Variants in MPHOSPH9 observed in about 807,000 individuals in gnomAD.
MPHOSPH9 encodes M-phase phosphoprotein 9.
Under a neutral mutation model 145.5 loss-of-function variants are expected in MPHOSPH9, and 88 were observed. The ratio of observed to expected loss-of-function variants is 0.60; its 90% CI spans 0.51 to 0.72. The LOEUF is 0.72. Ranked by LOEUF, MPHOSPH9 falls within the 30% of genes least tolerant of loss-of-function variation. The pLI is 0.00. For missense variants in MPHOSPH9, 1,238 were observed against 1,386.6 expected, an observed-to-expected ratio of 0.89 and a Z score of 1.70; for synonymous variants, 435 against 486.2, an observed-to-expected ratio of 0.89 and a Z score of 1.39.
chr12:123,214,317 T>C (rs950449631), intron 7 of MPHOSPH9, among the ~76,000 whole-genome samples: 1 of 152,126 alleles, frequency 6.6e-6, no homozygotes, highest in Non-Finnish European at 1.5e-5. Flanking sequence ...GGCTGGTGGA[T>C]TGCTTGCACC....
At chr12:123,179,009 T>C (rs2045003580) in intron 15 of MPHOSPH9, among the ~76,000 whole-genome samples, 1 of 152,230 alleles carries the variant, frequency 6.6e-6, no homozygotes, top group Admixed American at 6.5e-5. Context: ...ACTAGGCTGC[T>C]TCTTAAAGTT....
rs35259138 is a variant in MPHOSPH9, at chr12:123,198,809, C to CAA, written c.1938-477_1938-476dup. Among the ~76,000 whole-genome samples the CAA allele has an allele frequency of 9.5e-3, 459 of 48,410 alleles. 7 individuals are homozygous for CAA. Among genetic ancestry groups the CAA allele is most frequent in the African/African-American group, 0.024 (179 of 7,546 alleles). 31.8% of individuals were successfully genotyped at this position (48,410 alleles called of 152,430 possible). A position where few individuals can be genotyped will look rare whatever the true frequency, so the allele number is the denominator to read the frequency against. On this transcript the variant is annotated intron_variant, in intron 11 of 23. Transcript: ENST00000606320. ...TGAGTGACAGAGTGAGAACCTGTCTCAAAAAAAAAAAAAAAAAAAAAAAAA... is the reference window on the plus strand; with the variant it reads ...TGAGTGACAGAGTGAGAACCTGTCTCAAAAAAAAAAAAAAAAAAAAAAAAAAA...
chr12:123,221,538 C>T lies in MPHOSPH9; in HGVS notation c.706G>A (p.Ala236Thr). The T allele has an allele frequency of 6.2e-7, 1 of 1,614,192 alleles. No individual in the cohort carries two copies. The highest frequency in any genetic ancestry group is 8.5e-7 in the Non-Finnish European group (1 of 1,180,042). Residue 236 changes from alanine to threonine, a missense_variant, in exon 5 of 24, where the codon GCT becomes ACT. Ala to Thr is a moderately conservative substitution (Grantham distance 58). Around this residue, in one of 3 missense-constraint regions of MPHOSPH9, gnomAD observed 837 missense variants for 897.5 expected, o/e 0.93. Transcript: ENST00000606320. Reference sequence around the variant, plus strand: ...TTCACACCATCTACAAGTGACTCAGCCGGCACCGCAGGTGCTACATACTGT... The same window carrying T: ...TTCACACCATCTACAAGTGACTCAGTCGGCACCGCAGGTGCTACATACTGT... ...KGQYVAPAVPAESLVDGVKNE... is the reference protein window; with the variant it reads ...KGQYVAPAVPTESLVDGVKNE...
chr12:123,187,484 G>A (rs1377228145), intron 13 of MPHOSPH9, among the ~76,000 whole-genome samples: 5 of 152,030 alleles, frequency 3.3e-5, no homozygotes, highest in South Asian at 2.1e-4. Flanking sequence ...AATTCCAATC[G>A]AAAGCAGAGT....
chr12:123,177,933 T>A (rs775696858), intron 15 of MPHOSPH9, among the ~76,000 whole-genome samples: 4 of 152,156 alleles, frequency 2.6e-5, no homozygotes, highest in Non-Finnish European at 5.9e-5. Context: ...AGGTATTTCA[T>A]CTGATTTGTG....
At chr12:123,225,457 A>AG (rs1565976604) in intron 3 of MPHOSPH9, among the ~76,000 whole-genome samples, 7 of 146,106 alleles carry the variant, frequency 4.8e-5, no homozygotes, top group South Asian at 2.2e-4. Context: ...AAAAAAAAAA[A>AG]AAAGAAAGAA....
At chr12:123,192,628 C>CAAA (rs55831766) in intron 13 of MPHOSPH9, among the ~76,000 whole-genome samples, 4 of 49,382 alleles carry the variant, frequency 8.1e-5, no homozygotes, top group Admixed American at 3.7e-4. Flanking sequence ...GACACCGTCT[C>CAAA]AAAAAAAAAA....
intron 6 of MPHOSPH9, among the ~76,000 whole-genome samples, chr12:123,215,368 C>A (rs1184406083): frequency 1.3e-5 from 2 of 151,188 alleles, no homozygotes; most frequent in Non-Finnish European, 2.9e-5. Context: ...CTCTGTGGAG[C>A]TGGAAGGAGA....
intron 23 of MPHOSPH9, chr12:123,160,310 C>G (rs971263126): frequency 3.9e-5 from 6 of 154,690 alleles, no homozygotes; most frequent in African/African-American, 1.4e-4. Context: ...GGATTATAGG[C>G]GTGAGCCCCT....
At chr12:123,227,703 A>G in intron 2 of MPHOSPH9, 87 bp from the exon 3 acceptor site, 1 of 1,133,576 alleles carries the variant, frequency 8.8e-7, no homozygotes, top group Non-Finnish European at 1.2e-6. Flanking sequence ...GCAGAGCAGT[A>G]CAAAACCACT....
Position 123,217,525 on chromosome 12 carries a change from T to A in MPHOSPH9, c.996+851A>T, listed in dbSNP as rs114869590. 8.8e-3 allele frequency among the ~76,000 whole-genome samples: 1,347 copies of A among 152,252 alleles called. 17 individuals are homozygous for A. Among genetic ancestry groups the A allele is most frequent in the African/African-American group, 0.03 (1,236 of 41,564 alleles). Reference sequence around the variant, plus strand: ...ACTTTAAGATTACAGTATTACTTCTTACAATTTAATAATAATATAAATTAT... The same window carrying A: ...ACTTTAAGATTACAGTATTACTTCTAACAATTTAATAATAATATAAATTAT... On this transcript the variant is annotated intron_variant, in intron 6 of 23. Coordinates refer to ENST00000606320, the MANE Select transcript of MPHOSPH9 (RefSeq NM_022782.4).
chr12:123,220,916 G>T (rs991644632), intron 5 of MPHOSPH9, among the ~76,000 whole-genome samples: 1 of 152,074 alleles, frequency 6.6e-6, no homozygotes, highest in African/African-American at 2.4e-5. Flanking sequence ...TTAGCCTGGC[G>T]TGGTGGCGGG....
intron 12 of MPHOSPH9, among the ~76,000 whole-genome samples, chr12:123,196,476 A>G (rs2045951667): frequency 1.3e-5 from 2 of 152,224 alleles, no homozygotes; most frequent in Non-Finnish European, 2.9e-5. Flanking sequence ...TATTAAAAAT[A>G]AAACTTGTAA....
chr12:123,217,017 AAAT>A (rs2046996956), intron 6 of MPHOSPH9, among the ~76,000 whole-genome samples: 1 of 151,844 alleles, frequency 6.6e-6, no homozygotes, highest in South Asian at 2.1e-4. Flanking sequence ...ATAAATAAAT[AAAT>A]AAAAGAAATG....
At position 123,198,315 on chromosome 12, in the gene MPHOSPH9, C is replaced by T. The variant is rs751907647; in HGVS notation, c.1957G>A (p.Ala653Thr). Reference sequence around the variant, plus strand: ...ACGCGACTAGTAGCTTCATGCAAAGCACTATCTAATTGGCCACATCTAAAA... The same window carrying T: ...ACGCGACTAGTAGCTTCATGCAAAGTACTATCTAATTGGCCACATCTAAAA... ...LVDRCGQLDS[A>T]LHEATSRVRT... is the part of the protein sequence containing the mutation. The change falls in exon 12 of 24, where the codon GCT becomes ACT. Residue 653 changes from alanine to threonine, a missense_variant. Ala to Thr is a moderately conservative substitution (Grantham distance 58). Coordinates refer to ENST00000606320, the MANE Select transcript of MPHOSPH9 (RefSeq NM_022782.4). 1 of 1,611,966 alleles carries T rather than the reference C, an allele frequency of 6.2e-7. No individual in the cohort carries two copies. The highest frequency in any genetic ancestry group is 8.5e-7 in the Non-Finnish European group (1 of 1,178,896).
rs577648216 is a variant in MPHOSPH9 at position 123,169,823 on chromosome 12, T to C, written c.2457-3034A>G. Among the ~76,000 whole-genome samples the C allele has an allele frequency of 1.8e-3, 270 of 151,808 alleles. 3 individuals are homozygous for C. The South Asian group carries it at 0.023, about 13-fold the overall frequency. ...ACCATGTTGGCCAAACTCCTAACCT[T>C]AAGTGATCTGCCCACCTTGGCCTCC... is the stretch of plus-strand genomic sequence containing the variant. On this transcript the variant is annotated intron_variant, in intron 16 of 23. Coordinates refer to ENST00000606320, the MANE Select transcript of MPHOSPH9 (RefSeq NM_022782.4).
chr12:123,210,978 T>A (rs1201326025), intron 7 of MPHOSPH9, among the ~76,000 whole-genome samples: 2 of 75,652 alleles, frequency 2.6e-5, no homozygotes, highest in Non-Finnish European at 4.5e-5. Flanking sequence ...TTGTTTTTTC[T>A]TTTTTTTTTT....
intron 3 of MPHOSPH9, among the ~76,000 whole-genome samples, chr12:123,224,590 G>C (rs144343291): frequency 6.6e-6 from 1 of 152,208 alleles, no homozygotes; most frequent in East Asian, 1.9e-4. Flanking sequence ...GATCTCAATG[G>C]GGAAGGAACT....
chr12:123,209,806 C>T (rs1416927654), intron 8 of MPHOSPH9, among the ~76,000 whole-genome samples: 1 of 150,276 alleles, frequency 6.7e-6, no homozygotes, highest in Non-Finnish European at 1.5e-5. Flanking sequence ...GCGCAATCTC[C>T]CCTCACTATA....
Sources: gnomAD v4.1 joint callset for allele counts (sites outside exome capture counted in the v4.1 genomes callset) on GRCh38, gnomAD v4.1.1 for gene constraint, gnomAD v4.1.1 regional missense constraint, MANE v1.5 for transcripts, NCBI Gene and HGNC (gene_info 2026-07-23, HGNC 2026-07-21) for gene names.